GRIP1: variants seen among roughly 807,000 people sequenced by gnomAD.
GRIP1 encodes glutamate receptor-interacting protein 1.
In GRIP1, 45 loss-of-function variants were observed where a neutral mutation model predicts 129.9. The observed-to-expected ratio is 0.35, with a 90% confidence interval of 0.27 to 0.44. The LOEUF (loss-of-function observed/expected upper bound fraction) is 0.44. GRIP1 is among the 20% of genes least tolerant of loss of function. The probability of loss-of-function intolerance (pLI) is 1.00; values close to 1 mark genes in which losing one functional copy is unlikely to be tolerated. For synonymous variants in GRIP1, 530 were observed against 520.8 expected (o/e 1.02, Z -0.24); for missense variants, 1,196 against 1,396.8 (o/e 0.86, Z 2.29).
At chr12:66,713,824 T>C (rs955978091) in intron 1 of GRIP1, among the ~76,000 whole-genome samples, 1 of 152,082 alleles carries the variant, frequency 6.6e-6, no homozygotes, top group African/African-American at 2.4e-5. Flanking sequence ...TAGGTCCTTT[T>C]CACCTCAGTA....
intron 15 of GRIP1, among the ~76,000 whole-genome samples, chr12:66,409,817 C>T (rs1268007656): frequency 6.6e-6 from 1 of 152,130 alleles, no homozygotes. Flanking sequence ...ATCATAAATT[C>T]AGAATCCTAT....
intron 1 of GRIP1, among the ~76,000 whole-genome samples, chr12:66,862,819 A>G (rs1008386820): frequency 1.3e-5 from 2 of 152,042 alleles, no homozygotes; most frequent in East Asian, 1.9e-4. Flanking sequence ...CCATCTCTCT[A>G]TGTGGTTAAG....
chr12:66,523,858 A>G (rs536945294), intron 5 of GRIP1, among the ~76,000 whole-genome samples: 2 of 152,346 alleles, frequency 1.3e-5, no homozygotes, highest in Admixed American at 6.5e-5. Flanking sequence ...CAGAAAACAA[A>G]AAAAGGCAGG....
intron 1 of GRIP1, among the ~76,000 whole-genome samples, chr12:67,040,700 T>A (rs186154632): frequency 6.6e-6 from 1 of 152,114 alleles, no homozygotes; most frequent in African/African-American, 2.4e-5. Flanking sequence ...CTGACAGAGA[T>A]AATAAAAAAA....
chr12:66,433,926 G>A (rs186921640), intron 13 of GRIP1, among the ~76,000 whole-genome samples: 1 of 152,276 alleles, frequency 6.6e-6, no homozygotes, highest in East Asian at 1.9e-4. Flanking sequence ...CAGGCCCTTA[G>A]CTTAATTTAC....
intron 1 of GRIP1, among the ~76,000 whole-genome samples, chr12:67,022,581 T>G (rs2042883607): frequency 6.6e-6 from 1 of 152,218 alleles, no homozygotes. Context: ...AGTTCCTTCC[T>G]GTCCTTGCCA....
intron 7 of GRIP1, among the ~76,000 whole-genome samples, chr12:66,483,087 A>G (rs2059850729): frequency 6.6e-6 from 1 of 152,174 alleles, no homozygotes; most frequent in South Asian, 2.1e-4. Context: ...CATTGCAATC[A>G]CAGTGCAAGG....
chr12:67,002,262 T>C (rs1466138611), intron 1 of GRIP1, among the ~76,000 whole-genome samples: 1 of 152,208 alleles, frequency 6.6e-6, no homozygotes, highest in African/African-American at 2.4e-5. Context: ...GTTTGTGAAT[T>C]ATACAATCTG....
intron 5 of GRIP1, among the ~76,000 whole-genome samples, chr12:66,526,204 A>G (rs2061232507): frequency 6.6e-6 from 1 of 150,918 alleles, no homozygotes; most frequent in African/African-American, 2.4e-5. Context: ...GAACCAAAAA[A>G]GAGCCTGCAT....
At chr12:66,815,767 C>CCAAACAAA (rs71069020) in intron 1 of GRIP1, among the ~76,000 whole-genome samples, 3 of 150,956 alleles carry the variant, frequency 2.0e-5, no homozygotes, top group African/African-American at 4.9e-5. Context: ...CCGACTCAAA[C>CCAAACAAA]CAAACAAACA....
At chr12:66,436,398 A>T (rs1336270274) in intron 13 of GRIP1, among the ~76,000 whole-genome samples, 2 of 152,066 alleles carry the variant, frequency 1.3e-5, no homozygotes, top group Non-Finnish European at 2.9e-5. Context: ...AAAGATATAT[A>T]TTTTTTTCCA....
rs780088303 is a variant in GRIP1, at chr12:66,347,754, G to GTGAT, written c.*1261_*1264dup. The GTGAT allele has an allele frequency of 9.0e-6, 1 of 111,702 alleles. No homozygotes were observed. The highest frequency in any genetic ancestry group is 1.9e-5 in the Non-Finnish European group (1 of 53,440). 6.9% of individuals were successfully genotyped at this position (111,702 alleles called of 1,614,324 possible). On this transcript the variant is annotated 3_prime_UTR_variant, in exon 25 of 25. Transcript: ENST00000359742. ...ATATTTTTTTTGCACAAAAAGAAAG[G>GTGAT]TGATTTTTTTTTTATATTTCCTTAA...
chr12:66,842,851 G>A (rs1457074331), intron 1 of GRIP1, among the ~76,000 whole-genome samples: 6 of 152,054 alleles, frequency 3.9e-5, no homozygotes, highest in Admixed American at 2.0e-4. Flanking sequence ...GTGTGTCTCT[G>A]GAAACTGAAA....
chr12:66,539,654 CTT>C (rs1417937707), intron 3 of GRIP1, among the ~76,000 whole-genome samples: 1 of 140,696 alleles, frequency 7.1e-6, no homozygotes, highest in African/African-American at 2.6e-5. Flanking sequence ...CTCAATCCCT[CTT>C]GTTTTTGCTG....
chr12:66,813,926 A>G (rs1006028176), intron 1 of GRIP1, among the ~76,000 whole-genome samples: 3 of 152,146 alleles, frequency 2.0e-5, no homozygotes, highest in African/African-American at 7.2e-5. Context: ...AATGGGCAAG[A>G]GTGGAAATAG....
chr12:66,694,879 T>C (rs2035101078), intron 1 of GRIP1, among the ~76,000 whole-genome samples: 1 of 152,148 alleles, frequency 6.6e-6, no homozygotes, highest in Admixed American at 6.5e-5. Context: ...ACCCAGAGCC[T>C]AAGGGCAGAG....
intron 7 of GRIP1, among the ~76,000 whole-genome samples, chr12:66,468,652 G>A (rs1474076266): frequency 6.8e-6 from 1 of 148,106 alleles, no homozygotes; most frequent in Non-Finnish European, 1.5e-5. Context: ...ATATTCAAAA[G>A]GTGTCTAAAT....
At chr12:66,851,953 T>G (rs545746496) in intron 1 of GRIP1, among the ~76,000 whole-genome samples, 2 of 152,210 alleles carry the variant, frequency 1.3e-5, no homozygotes, top group South Asian at 4.1e-4. Flanking sequence ...GTTCACAATA[T>G]TTACAATTCA....
At chr12:66,353,230 G>T (rs533410971) in intron 24 of GRIP1, among the ~76,000 whole-genome samples, 187 bp downstream of exon 24, 2 of 152,306 alleles carry the variant, frequency 1.3e-5, no homozygotes, top group South Asian at 4.1e-4. Context: ...GAACTTTGGG[G>T]TCTGGGTTAG....
Sources: gnomAD v4.1 joint callset for allele counts (sites outside exome capture counted in the v4.1 genomes callset) on GRCh38, gnomAD v4.1.1 for gene constraint, MANE v1.5 for transcripts, NCBI Gene and HGNC (gene_info 2026-07-23, HGNC 2026-07-21) for gene names.